INO80: variants seen among roughly 807,000 people sequenced by gnomAD.
INO80 encodes the protein INO80 complex ATPase subunit.
Under a neutral mutation model 203.4 loss-of-function variants are expected in INO80, and 20 were observed. The observed-to-expected ratio is 0.10, with a 90% CI of 0.07 to 0.14. The LOEUF is 0.14. Among genes scored for constraint, INO80 ranks in the 10% least tolerant of loss-of-function variants. INO80 has a pLI of 1.00. For synonymous variants in INO80, 726 were observed against 685.2 expected, an observed-to-expected ratio of 1.06 and a Z score of -0.93; for missense variants, 1,419 against 1,914.4, an observed-to-expected ratio of 0.74 and a Z score of 4.83.
rs182566284 is a variant in INO80 at position 41,087,466 on chromosome 15, T to C, written c.658+96A>G. ...TTTCAGATAAAGCAAATTTCTACCA[T>C]ATGGACTTATATATAAAGTCCAAAT... On this transcript the variant is annotated intron_variant, in intron 6 of 35. Coordinates refer to ENST00000648947, the MANE Select transcript of INO80 (RefSeq NM_017553.3). The C allele has an allele frequency of 1.5e-4, 195 of 1,294,828 alleles. No homozygotes were observed. The East Asian group carries it at 4.3e-3, about 28-fold the overall frequency. The allele number at this position is 1,294,828 out of a possible 1,614,324, so 80.2% of individuals were successfully genotyped here.
At chr15:41,031,842 G>A (rs961174541) in intron 24 of INO80, among the ~76,000 whole-genome samples, 3 of 152,074 alleles carry the variant, frequency 2.0e-5, no homozygotes, top group Admixed American at 2.0e-4. Flanking sequence ...GACTCTTTTC[G>A]CACCATACAA....
chr15:41,046,723 T>G (rs997591261), intron 23 of INO80, among the ~76,000 whole-genome samples: 2 of 151,758 alleles, frequency 1.3e-5, no homozygotes, highest in African/African-American at 4.8e-5. Context: ...GTTCAAGCAA[T>G]TCTCCTGCCT....
At chr15:41,003,438 T>G (rs899314573) in intron 28 of INO80, among the ~76,000 whole-genome samples, 1 of 149,906 alleles carries the variant, frequency 6.7e-6, no homozygotes, top group Non-Finnish European at 1.5e-5. Context: ...CAAGTGATTC[T>G]CCTGCCTCAG....
intron 24 of INO80, among the ~76,000 whole-genome samples, chr15:41,042,323 A>C (rs2140513383): frequency 6.6e-6 from 1 of 151,858 alleles, no homozygotes; most frequent in Admixed American, 6.6e-5. Flanking sequence ...CTAATTTTTA[A>C]AATTTTTTAG....
intron 1 of INO80, among the ~76,000 whole-genome samples, chr15:41,115,224 G>A (rs1225758787): frequency 7.9e-5 from 12 of 152,156 alleles, no homozygotes; most frequent in Admixed American, 7.2e-4. Context: ...AAGAATTCCA[G>A]GCACAGTTGG....
intron 29 of INO80, among the ~76,000 whole-genome samples, chr15:40,989,645 G>A (rs909291224): frequency 2.0e-5 from 3 of 152,066 alleles, no homozygotes; most frequent in African/African-American, 4.8e-5. Context: ...AGTCTACCTT[G>A]GCTACCACTG....
chr15:41,111,639 C>T (rs2045960113), intron 1 of INO80, among the ~76,000 whole-genome samples: 1 of 151,404 alleles, frequency 6.6e-6, no homozygotes, highest in African/African-American at 2.4e-5. Flanking sequence ...CCTGTCTCTA[C>T]CAAAAATACA....
chr15:41,101,943 G>A (rs1023232411), intron 1 of INO80, among the ~76,000 whole-genome samples: 2 of 151,954 alleles, frequency 1.3e-5, no homozygotes, highest in Admixed American at 6.6e-5. Flanking sequence ...TGTAATCCCA[G>A]CACTTTGGGA....
At chr15:41,015,470 A>C (rs1184083322) in intron 27 of INO80, among the ~76,000 whole-genome samples, 1 of 152,098 alleles carries the variant, frequency 6.6e-6, no homozygotes, top group Non-Finnish European at 1.5e-5. Flanking sequence ...TCCATACATA[A>C]TTTTAGATTC....
chr15:41,054,989 A>G (rs2044956547), intron 18 of INO80, among the ~76,000 whole-genome samples: 1 of 152,204 alleles, frequency 6.6e-6, no homozygotes, highest in Non-Finnish European at 1.5e-5. Context: ...GCAAGCTAAA[A>G]TATAATACTT....
chr15:41,042,340 T>C lies in INO80; in HGVS notation c.2907+2564A>G, dbSNP rs187324598. Among the ~76,000 whole-genome samples the C allele has an allele frequency of 5.5e-4, 84 of 151,746 alleles. No individual in the cohort carries two copies. The East Asian group carries it at 0.013, about 24-fold the overall frequency. ...AATTTTTAAAATTTTTTAGTAGATA[T>C]GGGGTCTCACTATATTGCCTAGGCT... On this transcript the variant is annotated intron_variant, in intron 24 of 35. Transcript: ENST00000648947.
At chr15:41,086,704 A>G (rs1221561730) in intron 6 of INO80, among the ~76,000 whole-genome samples, 3 of 152,094 alleles carry the variant, frequency 2.0e-5, no homozygotes, top group Non-Finnish European at 4.4e-5. Context: ...TTGCCTCACA[A>G]AGATAGTTTA....
chr15:41,074,855 G>A (rs760094486), intron 9 of INO80, among the ~76,000 whole-genome samples: 5 of 151,962 alleles, frequency 3.3e-5, no homozygotes, highest in Non-Finnish European at 7.4e-5. Flanking sequence ...AGCTAGTCTC[G>A]TACCTCAGCC....
intron 1 of INO80, among the ~76,000 whole-genome samples, chr15:41,114,030 A>G (rs1249102932): frequency 1.3e-5 from 2 of 152,182 alleles, no homozygotes; most frequent in Non-Finnish European, 2.9e-5. Flanking sequence ...GCACTTTGGG[A>G]GGCCAAGGTA....
intron 29 of INO80, among the ~76,000 whole-genome samples, chr15:40,992,168 C>T (rs1022440015): frequency 1.1e-4 from 17 of 152,340 alleles, no homozygotes; most frequent in Admixed American, 9.8e-4. Context: ...AGCGGAGGTT[C>T]GGCCTCTGCA....
chr15:41,082,416 T>C (rs545708425), intron 7 of INO80, among the ~76,000 whole-genome samples: 2 of 148,408 alleles, frequency 1.3e-5, no homozygotes, highest in East Asian at 4.1e-4. Context: ...ATAAACAGAA[T>C]TGGGCCGGGC....
intron 29 of INO80, 61 bp downstream of exon 29, chr15:40,997,468 A>G (rs2043895157): frequency 2.7e-6 from 3 of 1,105,336 alleles, no homozygotes; most frequent in Admixed American, 3.4e-5. Flanking sequence ...AGAAAAACCT[A>G]CATAGTAGGT....
intron 34 of INO80, 47 bp from the exon 35 acceptor site, chr15:40,983,124 A>T: frequency 6.8e-7 from 1 of 1,465,096 alleles, no homozygotes; most frequent in Non-Finnish European, 9.4e-7. Context: ...AAAAAAAGTC[A>T]ATCTCCAAGA....
In INO80 at chr15:40,987,091, G is replaced by A. The variant is rs758826510; in HGVS notation, c.3832C>T (p.Leu1278=). 5.1e-6 allele frequency: 8 copies of A among 1,578,902 alleles called. No homozygotes were observed. The East Asian group carries it at 1.3e-4, about 26-fold the overall frequency. Residue 1278 remains leucine (L), a splice_region_variant and synonymous_variant, in exon 31 of 36, where the codon CTG becomes TTG. Transcript: ENST00000648947. The stretch of plus-strand genomic sequence containing the variant: ...GTGTATAGAGGTTTAGAGTACATAC[G>A]TTTCTTCTCCAACTCTTCGTCGTCT... ...LLDDEELEKK[L]RLRQEEKRQQ... is the part of the protein sequence containing the mutation.
Sources: allele counts gnomAD v4.1 joint callset (sites outside exome capture counted in the v4.1 genomes callset), GRCh38; gene constraint gnomAD v4.1.1; transcripts MANE v1.5; gene names NCBI Gene and HGNC (gene_info 2026-07-23, HGNC 2026-07-21).